Variants in PPP2R2C observed in about 807,000 individuals in gnomAD.
PPP2R2C encodes protein phosphatase 2, regulatory subunit B, gamma.
Under a neutral mutation model 45.3 loss-of-function variants are expected in PPP2R2C, and 10 were observed. The observed-to-expected ratio is 0.22, with a 90% CI of 0.14 to 0.37. PPP2R2C has a LOEUF of 0.37. PPP2R2C is among the 10% of genes least tolerant of loss of function. PPP2R2C has a pLI of 1.00. For missense variants in PPP2R2C, 308 were observed against 619.7 expected (o/e 0.50, Z 5.34); for synonymous variants, 257 against 245.4 (o/e 1.05, Z -0.44).
chr4:6,351,148 T>TA, intron 5 of PPP2R2C: 1 of 621,344 alleles, frequency 1.6e-6, no homozygotes, highest in Non-Finnish European at 2.0e-6. Context: ...CTACTAAAAA[T>TA]AAAAAATAAA....
intron 1 of PPP2R2C, among the ~76,000 whole-genome samples, chr4:6,427,002 G>A (rs115911018): frequency 1.6e-3 from 237 of 152,374 alleles, no homozygotes; most frequent in African/African-American, 5.3e-3. Flanking sequence ...TGAGATGGAA[G>A]CGGCCACATA....
intron 8 of PPP2R2C, among the ~76,000 whole-genome samples, chr4:6,323,942 C>T (rs577884317): frequency 5.6e-4 from 85 of 151,826 alleles, no homozygotes; most frequent in Non-Finnish European, 7.5e-4. Context: ...AAACTCTGTC[C>T]CAAAACAACA....
chr4:6,329,400 C>T lies in PPP2R2C; in HGVS notation c.961-47G>A. The stretch of plus-strand genomic sequence containing the variant: ...TGAGTGGACGGGGCGTCCCGACCAT[C>T]CTGGCCCTTCCACAAGAAGGGTCTC... On this transcript the variant is annotated intron_variant, in intron 7 of 8. Transcript: ENST00000382599. The surrounding 1 kb of genome is among the most constrained non-coding windows in gnomAD (Gnocchi z 5.8). 6.6e-7 allele frequency: 1 copy of T among 1,521,472 alleles called. No homozygotes were observed. The highest frequency in any genetic ancestry group is 9.1e-7 in the Non-Finnish European group (1 of 1,096,974). 94.2% of individuals were successfully genotyped at this position (1,521,472 alleles called of 1,614,324 possible).
upstream of PPP2R2C, among the ~76,000 whole-genome samples, chr4:6,473,775 C>T (rs574143664): frequency 4.1e-4 from 63 of 152,268 alleles, no homozygotes; most frequent in South Asian, 0.012. Context: ...GTGGGAAAGA[C>T]GAGGGAAGGT....
At chr4:6,360,832 A>G (rs1002666639) in intron 5 of PPP2R2C, among the ~76,000 whole-genome samples, 8 of 152,182 alleles carry the variant, frequency 5.3e-5, no homozygotes, top group African/African-American at 1.9e-4. Flanking sequence ...CCGAAGTCCA[A>G]TAACACGGTG....
rs1407896630 is a variant in PPP2R2C at position 6,364,146 on chromosome 4, G to A, written c.625+8377C>T. Among the ~76,000 whole-genome samples the A allele has an allele frequency of 6.6e-6, 1 of 152,204 alleles. No homozygotes were observed. On this transcript the variant is annotated intron_variant, in intron 5 of 8. Coordinates refer to ENST00000382599, the MANE Select transcript of PPP2R2C (RefSeq NM_020416.4). This position sits in a 1 kb window ranked among gnomAD's most constrained non-coding sequence, Gnocchi z 5.3. ...CAAGCCTCTAGGGAAGGGGCTCGAGGGAGTCATGGAGGGGATGGACTAGTT... is the reference window on the plus strand; with the variant it reads ...CAAGCCTCTAGGGAAGGGGCTCGAGAGAGTCATGGAGGGGATGGACTAGTT...
At chr4:6,467,564 TGAAAGAGG>T (rs1167061056) in intron 1 of PPP2R2C, among the ~76,000 whole-genome samples, 3 of 152,080 alleles carry the variant, frequency 2.0e-5, no homozygotes, top group East Asian at 1.9e-4. Flanking sequence ...TTGAGTGAAA[TGAAAGAGG>T]GTTCTCAAAA....
chr4:6,539,392 TTC>T (rs1724734820), intron 1 of PPP2R2C, among the ~76,000 whole-genome samples: 1 of 152,142 alleles, frequency 6.6e-6, no homozygotes, highest in African/African-American at 2.4e-5. Context: ...GACAATACGT[TTC>T]TGTTGTCTTA....
chr4:6,416,965 A>G (rs908580690), intron 1 of PPP2R2C, among the ~76,000 whole-genome samples: 47 of 152,006 alleles, frequency 3.1e-4, no homozygotes, highest in Non-Finnish European at 5.6e-4. Context: ...CCTGGGGGAG[A>G]ACAGCCAGGG....
Position 6,345,331 on chromosome 4 carries a change from A to C in PPP2R2C, c.790+2515T>G, listed in dbSNP as rs1434983125. Among the ~76,000 whole-genome samples the C allele has an allele frequency of 6.6e-6, 1 of 152,196 alleles. No homozygotes were observed. On this transcript the variant is annotated intron_variant, in intron 6 of 8. Transcript: ENST00000382599. This position sits in a 1 kb window ranked among gnomAD's most constrained non-coding sequence, Gnocchi z 5.3. ...CGTAGGTGGGGGGGCAGTGTCCTGT[A>C]GTAGGCGGTGGAACGGCCCCCAGAG...
chr4:6,421,720 C>T (rs1032622547), intron 1 of PPP2R2C, among the ~76,000 whole-genome samples: 1 of 11,974 alleles, frequency 8.4e-5, no homozygotes, highest in African/African-American at 9.8e-5. Context: ...CACTGGCACT[C>T]GGAGGCCCAG....
At chr4:6,400,420 T>C (rs997449667) in intron 1 of PPP2R2C, among the ~76,000 whole-genome samples, 3 of 152,236 alleles carry the variant, frequency 2.0e-5, no homozygotes, top group Admixed American at 1.3e-4. Context: ...TTCATATAAA[T>C]CTTTTTAACT....
chr4:6,542,581 TA>T (rs1266102096), intron 1 of PPP2R2C, among the ~76,000 whole-genome samples: 5 of 151,306 alleles, frequency 3.3e-5, no homozygotes, highest in Non-Finnish European at 1.5e-5. Context: ...CAGGCACCTG[TA>T]ATCCCAGATA....
chr4:6,464,020 G>T (rs1721466608), intron 1 of PPP2R2C, among the ~76,000 whole-genome samples: 1 of 152,180 alleles, frequency 6.6e-6, no homozygotes, highest in Non-Finnish European at 1.5e-5. Flanking sequence ...AGGAGCGTGG[G>T]TTTGGCAGGC....
chr4:6,431,676 T>C (rs1467328961), intron 1 of PPP2R2C, among the ~76,000 whole-genome samples: 1 of 152,178 alleles, frequency 6.6e-6, no homozygotes, highest in Non-Finnish European at 1.5e-5. Flanking sequence ...AAACCACTTA[T>C]ACTCTAGTCC....
chr4:6,482,403 C>A (rs1326443113), intron 2 of PPP2R2C, among the ~76,000 whole-genome samples: 3 of 152,182 alleles, frequency 2.0e-5, no homozygotes, highest in South Asian at 4.1e-4. Flanking sequence ...GGATTAGGAT[C>A]CTCTGCTGTG....
rs543931582 is a variant in PPP2R2C, at chr4:6,511,488, G to A, written c.49+23783C>T. On this transcript the variant is annotated intron_variant, in intron 2 of 9. Transcript: ENST00000506140. The stretch of plus-strand genomic sequence containing the variant: ...CGGTGGTGGTGGTGATGGCGGTGTT[G>A]GTGGTGATGGCGGTGATGGTGGTGG... 6.4e-4 allele frequency among the ~76,000 whole-genome samples: 79 copies of A among 124,362 alleles called. 1 individual carries two copies. The highest frequency in any genetic ancestry group is 2.3e-3 in the African/African-American group (73 of 31,278). The allele number at this position is 124,362 out of a possible 152,430, so 81.6% of individuals were successfully genotyped here.
At chr4:6,482,679 C>T (rs538553084) in intron 2 of PPP2R2C, among the ~76,000 whole-genome samples, 1 of 152,336 alleles carries the variant, frequency 6.6e-6, no homozygotes, top group East Asian at 1.9e-4. Flanking sequence ...ATTATGTCAT[C>T]TGCAATTAAA....
At chr4:6,351,378 C>A in intron 5 of PPP2R2C, 1 of 983,950 alleles carries the variant, frequency 1.0e-6, no homozygotes, top group South Asian at 4.7e-5. Context: ...AGGTCTGTAG[C>A]CCTGTGGCAA....
Sources: allele counts gnomAD v4.1 joint callset (sites outside exome capture counted in the v4.1 genomes callset), GRCh38; gene constraint gnomAD v4.1.1; non-coding constraint Gnocchi (gnomAD v3.1); transcripts MANE v1.5; gene names NCBI Gene and HGNC (gene_info 2026-07-23, HGNC 2026-07-21).